The following RUBCNL variants were observed in gnomAD, a reference collection of about 807,000 sequenced individuals.
RUBCNL encodes the protein protein associated with UVRAG as autophagy enhancer.
Under a neutral mutation model 69.5 loss-of-function variants are expected in RUBCNL, and 62 were observed. That is an observed-to-expected ratio of 0.89 (90% CI 0.73 to 1.10). RUBCNL has a LOEUF of 1.10. Among genes scored for constraint, RUBCNL ranks in the 50% least tolerant of loss-of-function variants. RUBCNL has a pLI of 0.00. For missense variants in RUBCNL, 768 were observed against 798.1 expected (o/e 0.96, Z 0.45); for synonymous variants, 291 against 303.6 (o/e 0.96, Z 0.43).
chr13:46,357,573 CAAAG>C (rs1386524361), intron 9 of RUBCNL, among the ~76,000 whole-genome samples: 5 of 150,324 alleles, frequency 3.3e-5, no homozygotes, highest in Non-Finnish European at 4.4e-5. Flanking sequence ...TAACGTAAGA[CAAAG>C]AAATCAAATC....
chr13:46,388,305 AGAAG>A (rs545789180), upstream of RUBCNL, among the ~76,000 whole-genome samples: 33 of 139,194 alleles, frequency 2.4e-4, no homozygotes, highest in South Asian at 7.3e-4. Context: ...GAGGGAGGGA[AGAAG>A]GAAGGAAGGA....
chr13:46,349,503 C>A (rs1319474558), intron 11 of RUBCNL, among the ~76,000 whole-genome samples, 156 bp from the exon 12 acceptor site: 1 of 152,186 alleles, frequency 6.6e-6, no homozygotes, highest in Non-Finnish European at 1.5e-5. Context: ...GCCTTCACAA[C>A]TGAGTCTGCT....
rs1345208273 is a variant in RUBCNL at position 46,372,394 on chromosome 13, C to T, written c.82G>A (p.Gly28Ser). The change falls in exon 3 of 15, where the codon GGT becomes AGT. Residue 28 changes from glycine (G) to serine (S), a missense_variant. Physicochemically the swap from Gly to Ser is moderately conservative, Grantham distance 56. Transcript: ENST00000429979. ...GISDHSGIIDGSPRLLNTDHP... is the reference protein window; with the variant it reads ...GISDHSGIIDSSPRLLNTDHP... Reference sequence around the variant, plus strand: ...TCAGTGTTCAGGAGTCTGGGCGAACCATCAATAATGCCAGAGTGATCGCTG... The same window carrying T: ...TCAGTGTTCAGGAGTCTGGGCGAACTATCAATAATGCCAGAGTGATCGCTG... The T allele has an allele frequency of 6.2e-7, 1 of 1,613,814 alleles. No individual in the cohort carries two copies. Among genetic ancestry groups the T allele is most frequent in the Non-Finnish European group, 8.5e-7 (1 of 1,179,814 alleles).
chr13:46,353,434 T>C lies in RUBCNL; in HGVS notation c.1330+2998A>G, dbSNP rs1594141327. Among the ~76,000 whole-genome samples, 3 of 152,346 alleles carry C rather than the reference T, an allele frequency of 2.0e-5. No homozygotes were observed. In the South Asian group the frequency reaches 6.2e-4, roughly 32 times the overall value. ...TGAATACATGCTGTTATACTATCAA[T>C]ACAGAATACACTAATGTCCATCTTT... is the stretch of plus-strand genomic sequence containing the variant. On this transcript the variant is annotated intron_variant, in intron 10 of 14. Coordinates refer to ENST00000429979, the MANE Select transcript of RUBCNL (RefSeq NM_025113.5).
chr13:46,340,901 T>A lies in RUBCNL; in HGVS notation c.*2484A>T, dbSNP rs2048137633. Among the ~76,000 whole-genome samples the A allele has an allele frequency of 6.6e-6, 1 of 152,162 alleles. No homozygotes were observed. The highest frequency in any genetic ancestry group is 2.1e-4 in the South Asian group (1 of 4,830). On this transcript the variant is annotated 3_prime_UTR_variant, in exon 15 of 15. Transcript: ENST00000429979. ...CCAAACACCTCTTATTAGGCCTACC[T>A]TCAACACTGGGGATCAAATTTCACC...
At chr13:46,361,652 G>A (rs2048613606) in intron 7 of RUBCNL, 79 bp from the exon 8 acceptor site, 14 of 1,437,588 alleles carry the variant, frequency 9.7e-6, no homozygotes, top group Non-Finnish European at 1.1e-5. Flanking sequence ...GTTTTCAACT[G>A]TTCTTCCCAG....
chr13:46,337,178 C>G lies in RUBCNL; in HGVS notation c.*6207G>C, dbSNP rs992994584. On this transcript the variant is annotated 3_prime_UTR_variant, in exon 15 of 15. Transcript: ENST00000429979. ...CAGGGAGGGGGGACCAAGTCTCACT[C>G]TGTTGTCAGGCTGGAGTACAGTGGC... is the stretch of plus-strand genomic sequence containing the variant. Among the ~76,000 whole-genome samples the G allele has an allele frequency of 1.3e-5, 2 of 152,008 alleles. No homozygotes were observed. The highest frequency in any genetic ancestry group is 2.9e-5 in the Non-Finnish European group (2 of 68,002).
At chr13:46,357,883 G>C (rs371531444) in intron 9 of RUBCNL, among the ~76,000 whole-genome samples, 1 of 152,042 alleles carries the variant, frequency 6.6e-6, no homozygotes, top group Non-Finnish European at 1.5e-5. Flanking sequence ...CGCCCACCTC[G>C]GCCTCCCAAA....
intron 3 of RUBCNL, among the ~76,000 whole-genome samples, chr13:46,369,231 T>G (rs187518377): frequency 2.0e-5 from 3 of 152,302 alleles, no homozygotes; most frequent in Admixed American, 2.0e-4. Context: ...TCTTCTTCTT[T>G]TGAGACAATA....
At position 46,344,787 on chromosome 13, in the gene RUBCNL, C is replaced by G. The variant is rs767364076; in HGVS notation, c.1830G>C (p.Thr610=). The part of the protein sequence containing the change: ...KGFICEFCQN[T]TVIFPFQTAT... The stretch of plus-strand genomic sequence containing the variant: ...CTGTCTGAAATGGGAAGATGACAGT[C>G]GTATTCTGGCAAAATTCACAAATAA... The change falls in exon 14 of 15, where the codon ACG becomes ACC. Residue 610 remains threonine, a synonymous_variant. Transcript: ENST00000429979. The G allele has an allele frequency of 6.2e-7, 1 of 1,611,892 alleles. No individual in the cohort carries two copies. Among genetic ancestry groups the G allele is most frequent in the Non-Finnish European group, 8.5e-7 (1 of 1,178,934 alleles).
At chr13:46,386,629 G>C (rs913298949) in intron 1 of RUBCNL, among the ~76,000 whole-genome samples, 7 of 152,112 alleles carry the variant, frequency 4.6e-5, no homozygotes, top group Non-Finnish European at 1.0e-4. Flanking sequence ...TGCTATGTAG[G>C]GCGCCCGGAC....
rs1277343061 is a variant in RUBCNL, at chr13:46,340,622, T to C, written c.*2763A>G. Among the ~76,000 whole-genome samples the C allele has an allele frequency of 1.3e-5, 2 of 152,198 alleles. No individual in the cohort carries two copies. Among genetic ancestry groups the C allele is most frequent in the Admixed American group, 6.5e-5 (1 of 15,284 alleles). On this transcript the variant is annotated 3_prime_UTR_variant, in exon 15 of 15. Coordinates refer to ENST00000429979, the MANE Select transcript of RUBCNL (RefSeq NM_025113.5). ...AAAGAAAAGAGGTTAATTTGGCTTATGGTTCTGCGGGCTGTACAAGCATCG... is the reference window on the plus strand; with the variant it reads ...AAAGAAAAGAGGTTAATTTGGCTTACGGTTCTGCGGGCTGTACAAGCATCG...
chr13:46,340,908 C>T lies in RUBCNL; in HGVS notation c.*2477G>A, dbSNP rs367806484. ...CCTCTTATTAGGCCTACCTTCAACACTGGGGATCAAATTTCACCATGAGGT... is the reference window on the plus strand; with the variant it reads ...CCTCTTATTAGGCCTACCTTCAACATTGGGGATCAAATTTCACCATGAGGT... On this transcript the variant is annotated 3_prime_UTR_variant, in exon 15 of 15. Coordinates refer to ENST00000429979, the MANE Select transcript of RUBCNL (RefSeq NM_025113.5). Among the ~76,000 whole-genome samples the T allele has an allele frequency of 2.6e-5, 4 of 152,208 alleles. No individual in the cohort carries two copies. The East Asian group carries it at 7.7e-4, about 29-fold the overall frequency.
chr13:46,349,524 G>A (rs1164501395), intron 11 of RUBCNL, among the ~76,000 whole-genome samples, 177 bp from the exon 12 acceptor site: 1 of 152,164 alleles, frequency 6.6e-6, no homozygotes, highest in East Asian at 1.9e-4. Flanking sequence ...GATCCACAAA[G>A]TGTGCCCTGG....
rs182738346 is a variant in RUBCNL at position 46,336,079 on chromosome 13, G to T, written c.*7306C>A. ...GACCACTGTCTACAGAGGAAGGGGAGAAATCACAAATGTCATGATGTTTCC... is the reference window on the plus strand; with the variant it reads ...GACCACTGTCTACAGAGGAAGGGGATAAATCACAAATGTCATGATGTTTCC... On this transcript the variant is annotated 3_prime_UTR_variant, in exon 15 of 15. Transcript: ENST00000429979. Among the ~76,000 whole-genome samples the T allele has an allele frequency of 6.6e-6, 1 of 152,250 alleles. No individual in the cohort carries two copies. Among genetic ancestry groups the T allele is most frequent in the African/African-American group, 2.4e-5 (1 of 41,468 alleles).
rs184744694 is a variant in RUBCNL at position 46,355,358 on chromosome 13, G to A, written c.1330+1074C>T. 2.4e-3 allele frequency among the ~76,000 whole-genome samples: 336 copies of A among 139,206 alleles called. 4 individuals carry two copies. Among genetic ancestry groups the A allele is most frequent in the South Asian group, 0.013 (55 of 4,274 alleles). 91.3% of individuals were successfully genotyped at this position (139,206 alleles called of 152,430 possible). A position where few individuals can be genotyped will look rare whatever the true frequency, so the allele number is the denominator to read the frequency against. On this transcript the variant is annotated intron_variant, in intron 10 of 14. Coordinates refer to ENST00000429979, the MANE Select transcript of RUBCNL (RefSeq NM_025113.5). Reference sequence around the variant, plus strand: ...CATGCAGGCTGGAGTACAATAGTGTGATCTCGGCTCACTGCAACCTCTGCC... The same window carrying A: ...CATGCAGGCTGGAGTACAATAGTGTAATCTCGGCTCACTGCAACCTCTGCC...
rs1432254333 is a variant in RUBCNL, at chr13:46,339,665, C to A, written c.*3720G>T. 6.6e-6 allele frequency among the ~76,000 whole-genome samples: 1 copy of A among 152,122 alleles called. No individual in the cohort carries two copies. The highest frequency in any genetic ancestry group is 1.5e-5 in the Non-Finnish European group (1 of 68,024). On this transcript the variant is annotated 3_prime_UTR_variant, in exon 15 of 15. Coordinates refer to ENST00000429979, the MANE Select transcript of RUBCNL (RefSeq NM_025113.5). The stretch of plus-strand genomic sequence containing the variant: ...CCTGAGGTCAGGGGTTAGAGACCAG[C>A]CTTGCCAACATGGTGAAAACCCGTC...
chr13:46,389,440 G>C (rs927690916), upstream of RUBCNL, among the ~76,000 whole-genome samples: 1 of 152,234 alleles, frequency 6.6e-6, no homozygotes, highest in Non-Finnish European at 1.5e-5. This position sits in a 1 kb window ranked among gnomAD's most constrained non-coding sequence, Gnocchi z 4.2. Flanking sequence ...TGAAACAAGA[G>C]GAAATGTCAT....
chr13:46,385,636 T>C, intron 1 of RUBCNL, among the ~76,000 whole-genome samples: 1 of 149,710 alleles, frequency 6.7e-6, no homozygotes, highest in East Asian at 2.0e-4. Context: ...AGCCTTTCTT[T>C]AGTTTTTTAC....
Sources: gnomAD v4.1 joint callset for allele counts (sites outside exome capture counted in the v4.1 genomes callset) on GRCh38, gnomAD v4.1.1 for gene constraint, Gnocchi (gnomAD v3.1) non-coding constraint, MANE v1.5 for transcripts, NCBI Gene and HGNC (gene_info 2026-07-23, HGNC 2026-07-21) for gene names.